The following SLC9C1 variants were observed in gnomAD, a reference collection of about 807,000 sequenced individuals.
SLC9C1 encodes the protein sodium/hydrogen exchanger 10.
Under a neutral mutation model 140.9 loss-of-function variants are expected in SLC9C1, and 97 were observed. The observed-to-expected ratio is 0.69, with a 90% CI of 0.58 to 0.82. The LOEUF is 0.82. Ranked by LOEUF, SLC9C1 falls within the 40% of genes least tolerant of loss-of-function variation. The pLI, the probability that SLC9C1 is intolerant of heterozygous loss-of-function variation, is 0.00. For synonymous variants in SLC9C1, 440 were observed against 442.6 expected (o/e 0.99, Z 0.07); for missense variants, 1,340 against 1,389.3 (o/e 0.96, Z 0.56).
chr3:112,194,318 G>T (rs1017075598), intron 20 of SLC9C1, among the ~76,000 whole-genome samples: 9 of 152,168 alleles, frequency 5.9e-5, no homozygotes, highest in Non-Finnish European at 1.2e-4. Flanking sequence ...CAATATGCGT[G>T]GGGGAGATGG....
intron 10 of SLC9C1, among the ~76,000 whole-genome samples, chr3:112,248,200 A>G (rs1179263653): frequency 6.6e-6 from 1 of 152,122 alleles, no homozygotes; most frequent in Non-Finnish European, 1.5e-5. Flanking sequence ...CACTGCCTTC[A>G]AACAACTGAA....
At chr3:112,279,507 G>A (rs9288947) in intron 3 of SLC9C1, among the ~76,000 whole-genome samples, 87,715 of 151,536 alleles carry the variant, frequency 0.58, 25,980 homozygotes, top group East Asian at 0.79. Flanking sequence ...TCAAGACGAA[G>A]AAAGAAGTTT....
At chr3:112,147,323 T>TG (rs1559999836) in intron 28 of SLC9C1, among the ~76,000 whole-genome samples, 1 of 152,228 alleles carries the variant, frequency 6.6e-6, no homozygotes, top group Admixed American at 6.5e-5. Context: ...TTGATCCTAT[T>TG]GTGAAGTTGT....
Position 112,263,065 on chromosome 3 carries a change from C to T in SLC9C1, c.1056G>A (p.Leu352=). ...AACTGAACTCATGACCAACTCGAGACAAAACAGGGCTTATTAAAAGAAGGG... is the reference window on the plus strand; with the variant it reads ...AACTGAACTCATGACCAACTCGAGATAAAACAGGGCTTATTAAAAGAAGGG... The part of the protein sequence containing the change: ...FLTLLLISPV[L]SRVGHEFSWR... The change falls in exon 10 of 29, where the codon TTG becomes TTA. Residue 352 remains leucine (L), a synonymous_variant. Coordinates refer to ENST00000305815, the MANE Select transcript of SLC9C1 (RefSeq NM_183061.3). The T allele has an allele frequency of 1.3e-6, 2 of 1,582,494 alleles. No homozygotes were observed. Among genetic ancestry groups the T allele is most frequent in the Non-Finnish European group, 1.7e-6 (2 of 1,169,434 alleles).
At chr3:112,192,829 CT>C (rs1423823591) in intron 20 of SLC9C1, among the ~76,000 whole-genome samples, 1 of 151,984 alleles carries the variant, frequency 6.6e-6, no homozygotes, top group Admixed American at 6.6e-5. Flanking sequence ...AAATTTTTTT[CT>C]GGTATTTTGT....
chr3:112,193,178 A>G (rs1223528592), intron 20 of SLC9C1, among the ~76,000 whole-genome samples: 2 of 152,196 alleles, frequency 1.3e-5, no homozygotes, highest in African/African-American at 2.4e-5. Flanking sequence ...TTTGCCAGGT[A>G]TAGACTTGCC....
At chr3:112,141,497 A>C (rs761239781) in intron 28 of SLC9C1, among the ~76,000 whole-genome samples, 4 of 151,994 alleles carry the variant, frequency 2.6e-5, no homozygotes, top group Admixed American at 6.6e-5. Flanking sequence ...CCTAGGAGTC[A>C]GAGTCTGAGA....
chr3:112,185,611 T>C lies in SLC9C1; in HGVS notation c.2524-3353A>G. Reference sequence around the variant, plus strand: ...CCCAGGGCTCGCCCGAAGCCCTCTCTCCCAAGGGGCAGGCTCCTGACCCGG... The same window carrying C: ...CCCAGGGCTCGCCCGAAGCCCTCTCCCCCAAGGGGCAGGCTCCTGACCCGG... On this transcript the variant is annotated intron_variant, in intron 20 of 28. Transcript: ENST00000305815. 4 of 1,593,896 alleles carry C rather than the reference T, an allele frequency of 2.5e-6. No homozygotes were observed. In the South Asian group the frequency reaches 3.4e-5, roughly 13 times the overall value.
intron 6 of SLC9C1, among the ~76,000 whole-genome samples, chr3:112,273,130 T>C (rs1338273628): frequency 1.3e-5 from 2 of 152,096 alleles, no homozygotes; most frequent in African/African-American, 2.4e-5. Context: ...TTTCAGGTTT[T>C]TTAGTTCCCC....
rs183205820 is a variant in SLC9C1 at position 112,208,264 on chromosome 3, A to T, written c.1900T>A (p.Ser634Thr). Residue 634 changes from serine (S) to threonine (T), a missense_variant, in exon 16 of 29, where the codon TCC (serine) becomes ACC (threonine). Physicochemically the swap from Ser to Thr is moderately conservative, Grantham distance 58 (BLOSUM62 1). Coordinates refer to ENST00000305815, the MANE Select transcript of SLC9C1 (RefSeq NM_183061.3). ...NIFPFIISWISQLNVIYHSEL... is the reference protein window; with the variant it reads ...NIFPFIISWITQLNVIYHSEL... ...CTGTGGTAGATTACATTTAACTGGG[A>T]TATCCAAGAGATTATAAAGGGAAAT... 6.2e-7 allele frequency: 1 copy of T among 1,611,660 alleles called. No individual in the cohort carries two copies. Among genetic ancestry groups the T allele is most frequent in the East Asian group, 2.2e-5 (1 of 44,756 alleles).
intron 17 of SLC9C1, among the ~76,000 whole-genome samples, chr3:112,202,973 C>T (rs2029637): frequency 0.3 from 46,027 of 151,816 alleles, 7,212 homozygotes; most frequent in East Asian, 0.36. Context: ...CCACAACCTC[C>T]ATACTCTACC....
intron 26 of SLC9C1, among the ~76,000 whole-genome samples, chr3:112,157,541 CTA>C (rs1178409654): frequency 6.6e-6 from 1 of 151,832 alleles, no homozygotes; most frequent in Non-Finnish European, 1.5e-5. Context: ...GATTTTTTTT[CTA>C]TGTCTGTGGA....
At chr3:112,153,096 C>CT (rs1196260836) in intron 27 of SLC9C1, among the ~76,000 whole-genome samples, 1 of 152,178 alleles carries the variant, frequency 6.6e-6, no homozygotes, top group Non-Finnish European at 1.5e-5. Context: ...AGAACTGACT[C>CT]TAACACAGCC....
chr3:112,169,476 A>G, intron 23 of SLC9C1, 148 bp from the exon 24 acceptor site: 1 of 754,270 alleles, frequency 1.3e-6, no homozygotes, highest in Non-Finnish European at 2.0e-6. Flanking sequence ...AAATGTGTCT[A>G]TCAATGAAAA....
At chr3:112,196,802 T>C (rs904981904) in intron 20 of SLC9C1, among the ~76,000 whole-genome samples, 1 of 152,190 alleles carries the variant, frequency 6.6e-6, no homozygotes, top group African/African-American at 2.4e-5. Flanking sequence ...CTGACTTTCC[T>C]CACATCTTCC....
intron 13 of SLC9C1, among the ~76,000 whole-genome samples, chr3:112,225,290 T>C (rs1041061744): frequency 1.3e-5 from 2 of 152,072 alleles, no homozygotes; most frequent in African/African-American, 4.8e-5. Flanking sequence ...AGAAAAGCTA[T>C]CCTTCAGAAA....
chr3:112,254,521 T>TA (rs2079550101), intron 10 of SLC9C1, among the ~76,000 whole-genome samples: 1 of 97,370 alleles, frequency 1.0e-5, no homozygotes, highest in East Asian at 5.0e-4. Flanking sequence ...TAAATTTTTT[T>TA]TATTTCAGAT....
intron 20 of SLC9C1, among the ~76,000 whole-genome samples, chr3:112,193,020 G>A (rs112246384): frequency 1.2e-4 from 19 of 152,158 alleles, no homozygotes; most frequent in Admixed American, 5.9e-4. Flanking sequence ...TTGGGGTGTC[G>A]GTTGGGTAGA....
chr3:112,214,531 A>C (rs952819845), intron 15 of SLC9C1, among the ~76,000 whole-genome samples: 12 of 152,224 alleles, frequency 7.9e-5, no homozygotes, highest in Admixed American at 7.9e-4. Flanking sequence ...AGGGGATATC[A>C]CCACCAATCC....
Sources: gnomAD v4.1 joint callset for allele counts (sites outside exome capture counted in the v4.1 genomes callset) on GRCh38, gnomAD v4.1.1 for gene constraint, MANE v1.5 for transcripts, NCBI Gene and HGNC (gene_info 2026-07-23, HGNC 2026-07-21) for gene names.